The following SPATA13 variants were observed in gnomAD, a reference collection of about 807,000 sequenced individuals.
The protein encoded by SPATA13 is spermatogenesis-associated protein 13.
In SPATA13, 50 loss-of-function variants were observed where a neutral mutation model predicts 104.0. The observed-to-expected ratio is 0.48, with a 90% CI of 0.38 to 0.61. The LOEUF (loss-of-function observed/expected upper bound fraction) is 0.61. SPATA13 is among the 20% of genes least tolerant of loss of function. SPATA13 has a pLI of 0.00. For missense variants in SPATA13, 1,524 were observed against 1,690.6 expected (o/e 0.90, Z 1.73); for synonymous variants, 606 against 667.5 (o/e 0.91, Z 1.42).
intron 3 of SPATA13, among the ~76,000 whole-genome samples, chr13:24,083,880 A>C (rs1187455376): frequency 6.6e-6 from 1 of 152,084 alleles, no homozygotes; most frequent in African/African-American, 2.4e-5. Context: ...CCGTCTGGAG[A>C]TGCAGGTGCT....
chr13:24,186,531 A>G (rs1003707721), intron 1 of SPATA13, among the ~76,000 whole-genome samples: 1 of 152,224 alleles, frequency 6.6e-6, no homozygotes, highest in Non-Finnish European at 1.5e-5. Flanking sequence ...ACAATGTTCT[A>G]CGAGTCAAGA....
At chr13:24,202,111 T>G (rs897141877) in intron 1 of SPATA13, among the ~76,000 whole-genome samples, 1 of 128,132 alleles carries the variant, frequency 7.8e-6, no homozygotes, top group East Asian at 2.3e-4. Context: ...AATAAATAAA[T>G]AAAAAGTGAC....
chr13:24,161,301 G>A lies in SPATA13; in HGVS notation c.-112+369G>A, dbSNP rs1162920942. Among the ~76,000 whole-genome samples the A allele has an allele frequency of 6.6e-6, 1 of 152,220 alleles. No homozygotes were observed. Among genetic ancestry groups the A allele is most frequent in the African/African-American group, 2.4e-5 (1 of 41,462 alleles). On this transcript the variant is annotated intron_variant, in intron 1 of 12. Coordinates refer to ENST00000382108, the MANE Select transcript of SPATA13 (RefSeq NM_001166271.3). This position sits in a 1 kb window ranked among gnomAD's most constrained non-coding sequence, Gnocchi z 4.5. ...GGCCTGGCCTACAGGGGCGGCCGTG[G>A]GGGTGGCAGAGTCTGGGGAGCCTGG... is the stretch of plus-strand genomic sequence containing the variant.
At chr13:24,063,489 C>T (rs1009432676) in intron 3 of SPATA13, among the ~76,000 whole-genome samples, 7 of 152,098 alleles carry the variant, frequency 4.6e-5, no homozygotes, top group African/African-American at 7.2e-5. Context: ...CCACATCCCT[C>T]GGTGGCCTTT....
intron 1 of SPATA13, among the ~76,000 whole-genome samples, chr13:24,201,199 T>A (rs1870381903): frequency 1.3e-5 from 2 of 152,174 alleles, no homozygotes; most frequent in African/African-American, 4.8e-5. Flanking sequence ...CTAGACAAGC[T>A]GTGACCCCCT....
intron 3 of SPATA13, among the ~76,000 whole-genome samples, chr13:24,042,893 C>A (rs8001002): frequency 0.47 from 71,478 of 152,046 alleles, 17,592 homozygotes; most frequent in African/African-American, 0.61. Flanking sequence ...GTTCCTCAGA[C>A]GCCTACTGTC....
chr13:24,260,719 T>A (rs1874020800), intron 4 of SPATA13, among the ~76,000 whole-genome samples: 1 of 152,208 alleles, frequency 6.6e-6, no homozygotes, highest in Non-Finnish European at 1.5e-5. Flanking sequence ...GGAGTCTATA[T>A]TCAGATTGTT....
At chr13:24,096,018 T>C (rs903425206) in intron 3 of SPATA13, among the ~76,000 whole-genome samples, 7 of 152,176 alleles carry the variant, frequency 4.6e-5, no homozygotes, top group African/African-American at 1.7e-4. Context: ...GCTGCCTGGG[T>C]CACTTCCCAG....
At position 24,249,809 on chromosome 13, in the gene SPATA13, C is replaced by A. The variant is rs777538536; in HGVS notation, c.1986C>A (p.Asn662Lys). 1 of 1,610,978 alleles carries A rather than the reference C, an allele frequency of 6.2e-7. No homozygotes were observed. Among genetic ancestry groups the A allele is most frequent in the East Asian group, 2.2e-5 (1 of 44,888 alleles). Residue 662 changes from asparagine (N) to lysine (K), a missense_variant, in exon 3 of 13, where the codon AAC (asparagine) becomes AAA (lysine). By Grantham distance (94) the Asn-to-Lys change is moderately conservative (BLOSUM62 0). Transcript: ENST00000382108. ...GTGGGGTCAGCTTGTATGGGACCAA[C>A]CAGACGGAGGAACTGGACAATCTTC... ...VIGGVSLYGT[N>K]QTEELDNLLT...
intron 2 of SPATA13, among the ~76,000 whole-genome samples, chr13:24,233,479 G>C (rs1872392118): frequency 6.6e-6 from 1 of 152,026 alleles, no homozygotes; most frequent in South Asian, 2.1e-4. Flanking sequence ...AATGTTTTTA[G>C]CTTGTTTTTG....
chr13:24,138,180 G>A (rs531657709), intron 3 of SPATA13, among the ~76,000 whole-genome samples: 1 of 151,906 alleles, frequency 6.6e-6, no homozygotes, highest in East Asian at 1.9e-4. Context: ...GGTGACGTGT[G>A]CCTGTAATCC....
intron 7 of SPATA13, among the ~76,000 whole-genome samples, chr13:24,287,988 G>C (rs149883158): frequency 1.5e-4 from 23 of 152,362 alleles, no homozygotes; most frequent in Admixed American, 3.3e-4. Context: ...AATCGGATTA[G>C]CCAGCTGTGT....
At chr13:24,289,852 A>G (rs1876211909) in intron 8 of SPATA13, among the ~76,000 whole-genome samples, 1 of 152,220 alleles carries the variant, frequency 6.6e-6, no homozygotes, top group Admixed American at 6.5e-5. Flanking sequence ...GAGTAATAAT[A>G]ATAACAATGA....
intron 4 of SPATA13, among the ~76,000 whole-genome samples, chr13:24,259,745 T>G (rs1873968219): frequency 6.6e-6 from 1 of 152,184 alleles, no homozygotes; most frequent in Non-Finnish European, 1.5e-5. Context: ...TCAACCAGTA[T>G]TGTCTCAGGA....
intron 2 of SPATA13, among the ~76,000 whole-genome samples, chr13:24,008,709 T>C (rs972559389): frequency 6.6e-6 from 1 of 152,178 alleles, no homozygotes; most frequent in African/African-American, 2.4e-5. Context: ...GAATCTGCTG[T>C]GAGTCACCTG....
intron 2 of SPATA13, among the ~76,000 whole-genome samples, chr13:24,245,733 A>G (rs1304912080): frequency 6.6e-6 from 1 of 151,542 alleles, no homozygotes; most frequent in South Asian, 2.1e-4. Context: ...CTGGGACGAC[A>G]GGCACATAAA....
chr13:24,066,734 G>C (rs1878979324), intron 3 of SPATA13, among the ~76,000 whole-genome samples: 1 of 151,960 alleles, frequency 6.6e-6, no homozygotes, highest in Non-Finnish European at 1.5e-5. Flanking sequence ...AGACTCTGCT[G>C]CTTGGCACAC....
Position 24,297,662 on chromosome 13 carries a change from A to T in SPATA13, c.3510A>T (p.Lys1170Asn). The stretch of plus-strand genomic sequence containing the variant: ...AGGTTTATTTGTTTTGTGCCAAAAA[A>T]CAAGAAGACAAGGCGAGGTGGCTGC... ...TDEVYLFCAKKQEDKARWLQA... is the reference protein window; with the variant it reads ...TDEVYLFCAKNQEDKARWLQA... The change falls in exon 11 of 13, where the codon AAA becomes AAT. Residue 1170 changes from lysine (K) to asparagine (N), a missense_variant. Coordinates refer to ENST00000382108, the MANE Select transcript of SPATA13 (RefSeq NM_001166271.3). 1 of 1,614,258 alleles carries T rather than the reference A, an allele frequency of 6.2e-7. No individual in the cohort carries two copies. Among genetic ancestry groups the T allele is most frequent in the Non-Finnish European group, 8.5e-7 (1 of 1,180,054 alleles).
intron 2 of SPATA13, among the ~76,000 whole-genome samples, chr13:24,237,818 C>G (rs1872638629): frequency 6.7e-6 from 1 of 148,898 alleles, no homozygotes; most frequent in African/African-American, 2.5e-5. Context: ...AAAAAGTAGT[C>G]AAAGTAGTAG....
Sources: allele counts gnomAD v4.1 joint callset (sites outside exome capture counted in the v4.1 genomes callset), GRCh38; gene constraint gnomAD v4.1.1; non-coding constraint Gnocchi (gnomAD v3.1); transcripts MANE v1.5; gene names NCBI Gene and HGNC (gene_info 2026-07-23, HGNC 2026-07-21).